ADCY2: variants seen among roughly 807,000 people sequenced by gnomAD.
ADCY2 encodes adenylate cyclase type 2.
A neutral mutation model predicts 125.2 loss-of-function variants in ADCY2; 31 were observed. The observed-to-expected ratio is 0.25, with a 90% CI of 0.19 to 0.33. The LOEUF is 0.33. Among genes scored for constraint, ADCY2 ranks in the 10% least tolerant of loss-of-function variants. The probability of loss-of-function intolerance (pLI) is 1.00; values close to 1 mark genes in which losing one functional copy is unlikely to be tolerated. For synonymous variants in ADCY2, 512 were observed against 548.4 expected (o/e 0.93, Z 0.93); for missense variants, 904 against 1,418.2 (o/e 0.64, Z 5.82).
chr5:7,509,219 C>A (rs978525255), intron 2 of ADCY2, among the ~76,000 whole-genome samples: 9 of 152,118 alleles, frequency 5.9e-5, no homozygotes, highest in Admixed American at 5.9e-4. Flanking sequence ...GAGTTAAAAC[C>A]AGTACTGGTG....
chr5:7,579,440 G>C (rs1426757504), intron 3 of ADCY2, among the ~76,000 whole-genome samples: 44 of 152,162 alleles, frequency 2.9e-4, no homozygotes. Flanking sequence ...GAGACAGAGA[G>C]AGAGAGAGAG....
Position 7,564,270 on chromosome 5 carries a change from A to G in ADCY2, c.570+43371A>G, listed in dbSNP as rs553417833. ...AGCCATGAAGCATGAGGACACATTT[A>G]TATGCTAGGTTAAGGAGATGGCAAA... On this transcript the variant is annotated intron_variant, in intron 3 of 24. Transcript: ENST00000338316. Among the ~76,000 whole-genome samples the G allele has an allele frequency of 7.2e-5, 11 of 152,274 alleles. No individual in the cohort carries two copies. The South Asian group carries it at 2.3e-3, about 32-fold the overall frequency.
intron 7 of ADCY2, among the ~76,000 whole-genome samples, chr5:7,704,114 T>C (rs1741182815): frequency 6.6e-6 from 1 of 152,136 alleles, no homozygotes; most frequent in African/African-American, 2.4e-5. Flanking sequence ...CTCTCTCCCA[T>C]GCAAGGATGT....
intron 4 of ADCY2, among the ~76,000 whole-genome samples, chr5:7,647,993 G>A (rs566946716): frequency 2.6e-5 from 4 of 152,192 alleles, no homozygotes; most frequent in South Asian, 2.1e-4. Flanking sequence ...ATTTAAATGC[G>A]CTCTGGACTT....
chr5:7,589,945 C>G (rs1452719950), intron 3 of ADCY2, among the ~76,000 whole-genome samples: 1 of 152,174 alleles, frequency 6.6e-6, no homozygotes, highest in Non-Finnish European at 1.5e-5. Context: ...CAAAAGGCCT[C>G]TTGGTCATGA....
chr5:7,581,064 A>G (rs1451872671), intron 3 of ADCY2, among the ~76,000 whole-genome samples: 1 of 152,226 alleles, frequency 6.6e-6, no homozygotes, highest in Admixed American at 6.5e-5. Flanking sequence ...ACTGTATGAG[A>G]AAGTAAAGGA....
chr5:7,510,349 A>G (rs1744007964), intron 2 of ADCY2, among the ~76,000 whole-genome samples: 1 of 152,192 alleles, frequency 6.6e-6, no homozygotes, highest in South Asian at 2.1e-4. Context: ...TCTGGTTGGA[A>G]TATTGGAAAC....
intron 15 of ADCY2, among the ~76,000 whole-genome samples, chr5:7,755,728 C>T (rs1742972319): frequency 6.6e-6 from 1 of 152,182 alleles, no homozygotes. Flanking sequence ...TAGGCCATGG[C>T]TGATTCTTTA....
intron 20 of ADCY2, among the ~76,000 whole-genome samples, chr5:7,790,567 G>A (rs75754948): frequency 0.014 from 2,124 of 152,300 alleles, 46 homozygotes; most frequent in African/African-American, 0.049. Context: ...TCCACAGTAC[G>A]CAAAGCCCTG....
At position 7,695,865 on chromosome 5, in the gene ADCY2, T is replaced by C. The variant is rs760696204; in HGVS notation, c.981+2T>C. The C allele has an allele frequency of 6.9e-6, 11 of 1,591,360 alleles. No individual in the cohort carries two copies. The highest frequency in any genetic ancestry group is 8.6e-6 in the Non-Finnish European group (10 of 1,162,058). On this transcript the variant is annotated splice_donor_variant, in intron 6 of 24. Coordinates refer to ENST00000338316, the MANE Select transcript of ADCY2 (RefSeq NM_020546.3). LOFTEE classifies it high-confidence loss of function. ...GGAAAGTTTGATCAAATTGCAAAGG[T>C]GAGTATTATGGATTCTTTTCTTCTC...
At chr5:7,564,816 A>C (rs1161292554) in intron 3 of ADCY2, among the ~76,000 whole-genome samples, 1 of 152,176 alleles carries the variant, frequency 6.6e-6, no homozygotes, top group African/African-American at 2.4e-5. Context: ...ACCCCAAAGC[A>C]AGCGGAAGGT....
intron 1 of ADCY2, among the ~76,000 whole-genome samples, chr5:7,413,519 C>G (rs1255262051): frequency 1.3e-5 from 2 of 151,680 alleles, no homozygotes; most frequent in Non-Finnish European, 2.9e-5. Context: ...AGGATGGTCT[C>G]GATCTCCTGA....
intron 4 of ADCY2, among the ~76,000 whole-genome samples, chr5:7,676,269 G>A (rs1028362961): frequency 2.0e-5 from 3 of 152,120 alleles, no homozygotes; most frequent in African/African-American, 7.2e-5. Flanking sequence ...TACGGGTAGT[G>A]GTATGGTGTG....
At chr5:7,421,181 G>C (rs1004264403) in intron 2 of ADCY2, among the ~76,000 whole-genome samples, 2 of 152,158 alleles carry the variant, frequency 1.3e-5, no homozygotes, top group Admixed American at 6.5e-5. Flanking sequence ...TTGTCCCATG[G>C]GTAGACATTG....
chr5:7,515,416 G>C (rs1323566629), intron 2 of ADCY2, among the ~76,000 whole-genome samples: 2 of 152,182 alleles, frequency 1.3e-5, no homozygotes, highest in Non-Finnish European at 2.9e-5. Flanking sequence ...TTGAGTGGGG[G>C]ATTTGCAAGG....
At chr5:7,573,385 G>A (rs146614751) in intron 3 of ADCY2, among the ~76,000 whole-genome samples, 24 of 152,110 alleles carry the variant, frequency 1.6e-4, no homozygotes, top group African/African-American at 2.4e-4. Flanking sequence ...GGTGTTTTCC[G>A]TGGAGGGTGA....
At chr5:7,673,974 C>G (rs6555480) in intron 4 of ADCY2, among the ~76,000 whole-genome samples, 69,538 of 151,910 alleles carry the variant, frequency 0.46, 16,519 homozygotes, top group East Asian at 0.83. Context: ...ACCCATGTGT[C>G]CAGTGGGAGA....
At chr5:7,477,656 T>A (rs1742572998) in intron 2 of ADCY2, among the ~76,000 whole-genome samples, 1 of 152,212 alleles carries the variant, frequency 6.6e-6, no homozygotes. Flanking sequence ...AGATTTGCTC[T>A]TATCCAGTCT....
chr5:7,673,436 TCAAAA>T (rs1391776300), intron 4 of ADCY2, among the ~76,000 whole-genome samples: 1 of 150,900 alleles, frequency 6.6e-6, no homozygotes, highest in South Asian at 2.1e-4. Flanking sequence ...AGACTCCGTC[TCAAAA>T]CAAAACAAAA....
Sources: gnomAD v4.1 joint callset for allele counts (sites outside exome capture counted in the v4.1 genomes callset) on GRCh38, gnomAD v4.1.1 for gene constraint, MANE v1.5 for transcripts, NCBI Gene and HGNC (gene_info 2026-07-23, HGNC 2026-07-21) for gene names.